The following CAST variants were observed in gnomAD, a reference collection of about 807,000 sequenced individuals.
CAST encodes the protein MIR583 host.
CAST carries 76 observed loss-of-function variants against 119.6 expected under a neutral mutation model. The observed-to-expected ratio is 0.64, with a 90% CI of 0.53 to 0.77. CAST has a LOEUF of 0.77. Ranked by LOEUF, CAST falls within the 30% of genes least tolerant of loss-of-function variation. The probability of loss-of-function intolerance (pLI) is 0.00; values close to 1 mark genes in which losing one functional copy is unlikely to be tolerated. For missense variants in CAST, 953 were observed against 946.5 expected, an observed-to-expected ratio of 1.01 and a Z score of -0.09; for synonymous variants, 319 against 331.6, an observed-to-expected ratio of 0.96 and a Z score of 0.41.
chr5:96,148,321 G>A, the CAST span, among the ~76,000 whole-genome samples: 11 of 152,238 alleles, frequency 7.2e-5, no homozygotes, highest in Admixed American at 1.3e-4. Context: ...TGCTTGATTG[G>A]TAGCAGTCAC....
At chr5:96,305,049 C>T in the CAST span, among the ~76,000 whole-genome samples, 4,517 of 152,216 alleles carry the variant, frequency 0.03, 259 homozygotes, top group African/African-American at 0.1. Context: ...GCAGTACGGC[C>T]ATTTTCATGA....
the CAST span, among the ~76,000 whole-genome samples, chr5:96,402,205 A>T: frequency 5.9e-5 from 9 of 152,168 alleles, no homozygotes; most frequent in Admixed American, 2.0e-4. Context: ...GCTCCTAGTT[A>T]AAAACCGTGT....
At chr5:96,706,787 G>A (rs1176278975) in intron 3 of CAST, among the ~76,000 whole-genome samples, 1 of 152,190 alleles carries the variant, frequency 6.6e-6, no homozygotes, top group Non-Finnish European at 1.5e-5. Flanking sequence ...GGAACTGAGA[G>A]TTCTGGTTAA....
the CAST span, among the ~76,000 whole-genome samples, chr5:96,225,874 A>T: frequency 6.6e-6 from 1 of 152,176 alleles, no homozygotes; most frequent in African/African-American, 2.4e-5. Flanking sequence ...AAGAAATTTA[A>T]TTCTTGCCCC....
the CAST span, among the ~76,000 whole-genome samples, chr5:96,519,916 A>G: frequency 6.6e-6 from 1 of 152,096 alleles, no homozygotes; most frequent in African/African-American, 2.4e-5. Context: ...CTTACTTTCT[A>G]ATCCTTATTT....
chr5:95,967,922 G>A, the CAST span, among the ~76,000 whole-genome samples: 1 of 152,158 alleles, frequency 6.6e-6, no homozygotes, highest in Non-Finnish European at 1.5e-5. Context: ...TAACTCTGAG[G>A]TAGCCATTGT....
At chr5:96,761,621 C>G (rs945596188) in intron 24 of CAST, 1 of 152,032 alleles carries the variant, frequency 6.6e-6, no homozygotes, top group African/African-American at 2.4e-5. Flanking sequence ...AACAGTTATA[C>G]CTAAGTTTTT....
intron 1 of CAST, among the ~76,000 whole-genome samples, chr5:96,540,289 G>A (rs1187685622): frequency 2.0e-5 from 3 of 151,870 alleles, no homozygotes; most frequent in Admixed American, 2.0e-4. Flanking sequence ...ATCTCCATCT[G>A]TTATCATTCT....
At chr5:96,064,568 C>G in the CAST span, among the ~76,000 whole-genome samples, 1 of 151,964 alleles carries the variant, frequency 6.6e-6, no homozygotes. Flanking sequence ...ACAGAATGTG[C>G]CTAAACCCTG....
chr5:96,600,124 G>A (rs1232435912), intron 1 of CAST, among the ~76,000 whole-genome samples: 4 of 152,152 alleles, frequency 2.6e-5, no homozygotes, highest in African/African-American at 9.7e-5. Flanking sequence ...TTAAACCCTT[G>A]TGTCTAAGAA....
chr5:96,738,466 T>G (rs541060219), intron 11 of CAST, among the ~76,000 whole-genome samples: 1 of 152,268 alleles, frequency 6.6e-6, no homozygotes, highest in African/African-American at 2.4e-5. Context: ...AGCAAACATT[T>G]GTTGTTGTGC....
chr5:96,096,648 G>A, the CAST span, among the ~76,000 whole-genome samples: 1 of 152,312 alleles, frequency 6.6e-6, no homozygotes, highest in East Asian at 1.9e-4. Context: ...TATATCCACA[G>A]TTGACTGCAT....
At chr5:96,688,813 A>G (rs1387900162) in intron 2 of CAST, among the ~76,000 whole-genome samples, 1 of 152,236 alleles carries the variant, frequency 6.6e-6, no homozygotes, top group African/African-American at 2.4e-5. Context: ...AGCAGCATAG[A>G]TAATAAAAGA....
chr5:96,602,749 CA>C (rs1449218224), intron 1 of CAST, among the ~76,000 whole-genome samples: 1 of 151,974 alleles, frequency 6.6e-6, no homozygotes, highest in African/African-American at 2.4e-5. Flanking sequence ...AACACTGTCT[CA>C]AAAATAAATA....
At chr5:96,258,070 A>AT in the CAST span, among the ~76,000 whole-genome samples, 2 of 151,540 alleles carry the variant, frequency 1.3e-5, no homozygotes, top group Admixed American at 6.6e-5. Context: ...TAGCCACCTC[A>AT]TTTTTTTGAA....
the CAST span, among the ~76,000 whole-genome samples, chr5:96,131,253 G>A: frequency 1.3e-5 from 2 of 152,140 alleles, no homozygotes; most frequent in East Asian, 1.9e-4. Context: ...TATTTTAAGT[G>A]ATGAAAGAAA....
the CAST span, among the ~76,000 whole-genome samples, chr5:96,344,525 C>T: frequency 7.9e-5 from 12 of 152,180 alleles, no homozygotes; most frequent in Admixed American, 1.3e-4. Context: ...AATTCAGATT[C>T]AAAGGAATGC....
chr5:96,731,281 A>G (rs1365606676), intron 9 of CAST, among the ~76,000 whole-genome samples: 1 of 152,200 alleles, frequency 6.6e-6, no homozygotes, highest in Non-Finnish European at 1.5e-5. Flanking sequence ...GGATATGAGA[A>G]GTTTTCAAAG....
chr5:96,295,963 T>C, the CAST span, among the ~76,000 whole-genome samples: 2 of 152,340 alleles, frequency 1.3e-5, no homozygotes, highest in Admixed American at 6.5e-5. Flanking sequence ...TGTGGTATTA[T>C]AGAAGATTTT....
Sources: allele counts gnomAD v4.1 joint callset (sites outside exome capture counted in the v4.1 genomes callset), GRCh38; gene constraint gnomAD v4.1.1; transcripts MANE v1.5; gene names NCBI Gene and HGNC (gene_info 2026-07-23, HGNC 2026-07-21).